PLCL1: variants seen among roughly 807,000 people sequenced by gnomAD.
PLCL1 encodes the protein inactive phospholipase C-like protein 1.
In PLCL1, 41 loss-of-function variants were observed where a neutral mutation model predicts 84.4. The ratio of observed to expected loss-of-function variants is 0.49; its 90% CI spans 0.38 to 0.63. The LOEUF is 0.63. Ranked by LOEUF, PLCL1 falls within the 30% of genes least tolerant of loss-of-function variation. PLCL1 has a pLI of 0.00. For missense variants in PLCL1, 1,206 were observed against 1,367.8 expected (o/e 0.88, Z 1.87); for synonymous variants, 490 against 488.3 (o/e 1.00, Z -0.05).
intron 1 of PLCL1, among the ~76,000 whole-genome samples, chr2:197,848,300 A>G (rs1687159077): frequency 6.6e-6 from 1 of 152,218 alleles, no homozygotes; most frequent in Non-Finnish European, 1.5e-5. Flanking sequence ...TATGAAGAAA[A>G]ATCAGGGAAG....
At chr2:198,132,778 T>A (rs539903450) in intron 5 of PLCL1, among the ~76,000 whole-genome samples, 23 of 152,148 alleles carry the variant, frequency 1.5e-4, no homozygotes, top group African/African-American at 5.1e-4. Flanking sequence ...TGTTGTAGGT[T>A]GCCTGTTCAC....
At chr2:197,998,175 ATG>A (rs58332002) in intron 1 of PLCL1, among the ~76,000 whole-genome samples, 3,000 of 131,736 alleles carry the variant, frequency 0.023, 37 homozygotes, top group East Asian at 0.04. Context: ...GAATGGAGCT[ATG>A]TGTGTGTGTG....
At chr2:198,114,279 G>A (rs915796673) in intron 5 of PLCL1, among the ~76,000 whole-genome samples, 2 of 151,806 alleles carry the variant, frequency 1.3e-5, no homozygotes, top group Non-Finnish European at 2.9e-5. Context: ...TAAAAGCCGG[G>A]CTGTTGACAT....
intron 1 of PLCL1, among the ~76,000 whole-genome samples, chr2:197,986,696 T>C (rs1433467325): frequency 6.6e-6 from 1 of 152,208 alleles, no homozygotes; most frequent in African/African-American, 2.4e-5. Flanking sequence ...ATTGCTGGCC[T>C]CTACTGGAAG....
At chr2:198,035,847 C>T (rs1353955409) in intron 1 of PLCL1, among the ~76,000 whole-genome samples, 1 of 152,144 alleles carries the variant, frequency 6.6e-6, no homozygotes, top group Non-Finnish European at 1.5e-5. Context: ...CCAGCCTGGC[C>T]AACATGGCGA....
At chr2:197,912,881 G>T (rs1688514158) in intron 1 of PLCL1, among the ~76,000 whole-genome samples, 1 of 145,458 alleles carries the variant, frequency 6.9e-6, no homozygotes, top group African/African-American at 2.5e-5. Flanking sequence ...CAGCGCACCA[G>T]CATGGCACAT....
At chr2:197,808,095 C>T (rs775738957) in intron 1 of PLCL1, among the ~76,000 whole-genome samples, 1 of 152,114 alleles carries the variant, frequency 6.6e-6, no homozygotes, top group Non-Finnish European at 1.5e-5. Flanking sequence ...ATAACCAATC[C>T]TAGGTTTAAA....
chr2:197,885,043 T>C (rs1687893552), intron 1 of PLCL1, among the ~76,000 whole-genome samples: 1 of 152,182 alleles, frequency 6.6e-6, no homozygotes, highest in African/African-American at 2.4e-5. Flanking sequence ...GTCCCCAGGT[T>C]CTCATGCTCC....
rs1305216117 is a variant in PLCL1 at position 197,983,217 on chromosome 2, T to C, written c.241-100541T>C. On this transcript the variant is annotated intron_variant, in intron 1 of 5. Coordinates refer to ENST00000428675, the MANE Select transcript of PLCL1 (RefSeq NM_006226.4). Reference sequence around the variant, plus strand: ...TTTCTTTTCTTTTTTTTTTTTTTTTTTTTTTTTTTTTTTTTTTTTTTTGAG... The same window carrying C: ...TTTCTTTTCTTTTTTTTTTTTTTTTCTTTTTTTTTTTTTTTTTTTTTTGAG... Among the ~76,000 whole-genome samples, 253 of 60,824 alleles carry C rather than the reference T, an allele frequency of 4.2e-3. 2 individuals are homozygous for C. The highest frequency in any genetic ancestry group is 0.014 in the African/African-American group (240 of 16,820). 39.9% of individuals were successfully genotyped at this position (60,824 alleles called of 152,430 possible). A position where few individuals can be genotyped will look rare whatever the true frequency, so the allele number is the denominator to read the frequency against.
intron 1 of PLCL1, among the ~76,000 whole-genome samples, chr2:197,943,860 TCAAA>T (rs553289255): frequency 3.5e-4 from 53 of 152,280 alleles, no homozygotes; most frequent in African/African-American, 1.2e-3. Flanking sequence ...TTCTGTGTGG[TCAAA>T]CAGTCAGATA....
chr2:197,899,128 T>C (rs1688214286), intron 1 of PLCL1, among the ~76,000 whole-genome samples: 1 of 152,202 alleles, frequency 6.6e-6, no homozygotes, highest in African/African-American at 2.4e-5. Context: ...GATTCTCTGC[T>C]CTCATGGAAT....
intron 1 of PLCL1, among the ~76,000 whole-genome samples, chr2:198,040,982 A>G (rs914623628): frequency 1.3e-5 from 2 of 152,162 alleles, no homozygotes; most frequent in African/African-American, 2.4e-5. Context: ...GCCCTGGCCA[A>G]TGGGGGGTTG....
intron 1 of PLCL1, among the ~76,000 whole-genome samples, chr2:198,050,081 C>T (rs530963976): frequency 1.1e-4 from 17 of 152,230 alleles, no homozygotes; most frequent in African/African-American, 1.7e-4. Context: ...AAGAGGGCAA[C>T]GAGGTGAGGT....
At chr2:197,910,508 TTTTG>T (rs1688467352) in intron 1 of PLCL1, among the ~76,000 whole-genome samples, 1 of 152,240 alleles carries the variant, frequency 6.6e-6, no homozygotes, top group African/African-American at 2.4e-5. Context: ...GTTTGTTTAT[TTTTG>T]TTTATCAGCT....
In PLCL1 at chr2:198,012,754, A is replaced by G. The variant is rs944337018; in HGVS notation, c.241-71004A>G. Reference sequence around the variant, plus strand: ...ATATAAAAATTTATATATATTACATATATATAAACCTTAACGAGTTTGAGT... The same window carrying G: ...ATATAAAAATTTATATATATTACATGTATATAAACCTTAACGAGTTTGAGT... On this transcript the variant is annotated intron_variant, in intron 1 of 5. Coordinates refer to ENST00000428675, the MANE Select transcript of PLCL1 (RefSeq NM_006226.4). Among the ~76,000 whole-genome samples the G allele has an allele frequency of 2.7e-5, 4 of 150,720 alleles. No individual in the cohort carries two copies. The East Asian group carries it at 7.8e-4, about 29-fold the overall frequency.
chr2:197,992,256 A>G (rs1690360582), intron 1 of PLCL1, among the ~76,000 whole-genome samples: 6 of 152,096 alleles, frequency 3.9e-5, no homozygotes, highest in Admixed American at 3.3e-4. Flanking sequence ...CATCATTTTA[A>G]CTATTAAATT....
intron 5 of PLCL1, among the ~76,000 whole-genome samples, chr2:198,131,174 C>T (rs1462192489): frequency 6.6e-6 from 1 of 152,208 alleles, no homozygotes; most frequent in Admixed American, 6.5e-5. Flanking sequence ...AGTGTGTAAC[C>T]CTGCTTGTAC....
chr2:198,066,704 A>C (rs1692328626), intron 1 of PLCL1, among the ~76,000 whole-genome samples: 1 of 151,814 alleles, frequency 6.6e-6, no homozygotes, highest in African/African-American at 2.4e-5. Context: ...GCTTCATTTC[A>C]TTTCCTCCCT....
At chr2:197,991,612 G>A (rs1030621975) in intron 1 of PLCL1, among the ~76,000 whole-genome samples, 3 of 152,110 alleles carry the variant, frequency 2.0e-5, no homozygotes, top group Non-Finnish European at 4.4e-5. Context: ...GGTTCTTCCA[G>A]TCACTTCTAC....
Sources: gnomAD v4.1 joint callset for allele counts (sites outside exome capture counted in the v4.1 genomes callset) on GRCh38, gnomAD v4.1.1 for gene constraint, MANE v1.5 for transcripts, NCBI Gene and HGNC (gene_info 2026-07-23, HGNC 2026-07-21) for gene names.